The following ATF7IP variants were observed in gnomAD, a reference collection of about 807,000 sequenced individuals.
The protein encoded by ATF7IP is activating transcription factor 7 interacting protein.
In ATF7IP, 23 loss-of-function variants were observed where a neutral mutation model predicts 106.4. That is an observed-to-expected ratio of 0.22 (90% CI 0.16 to 0.31). The LOEUF (loss-of-function observed/expected upper bound fraction) is 0.31, where lower values mean the gene tolerates loss of function less well. ATF7IP is among the 10% of genes least tolerant of loss of function. ATF7IP has a pLI of 1.00. For synonymous variants in ATF7IP, 542 were observed against 539.0 expected (o/e 1.01, Z -0.08); for missense variants, 1,334 against 1,524.3 (o/e 0.88, Z 2.08).
chr12:14,424,378 A>G lies in ATF7IP; in HGVS notation c.463A>G (p.Thr155Ala). Residue 155 changes from threonine to alanine, a missense_variant, in exon 2 of 15, where the codon ACC becomes GCC. Around this residue, in one of 10 missense-constraint regions of ATF7IP, gnomAD observed 438 missense variants for 405.3 expected, o/e 1.08. Coordinates refer to ENST00000261168, the MANE Select transcript of ATF7IP (RefSeq NM_018179.5). ...CGGAGTACTGGCCTCTGGTGATTCCACCTCTGGTGATCCCACCTCTAGCGA... is the reference window on the plus strand; with the variant it reads ...CGGAGTACTGGCCTCTGGTGATTCCGCCTCTGGTGATCCCACCTCTAGCGA... ...ASGVLASGDS[T>A]SGDPTSSEPS... is the part of the protein sequence containing the mutation. 3 of 1,612,606 alleles carry G rather than the reference A, an allele frequency of 1.9e-6. No homozygotes were observed. Among genetic ancestry groups the G allele is most frequent in the Non-Finnish European group, 2.5e-6 (3 of 1,179,494 alleles).
intron 13 of ATF7IP, among the ~76,000 whole-genome samples, chr12:14,485,001 C>A (rs999994876): frequency 6.6e-6 from 1 of 152,122 alleles, no homozygotes; most frequent in Admixed American, 6.6e-5. Context: ...GAGTAGTTAC[C>A]TGCAAAAGAT....
At chr12:14,401,369 G>A (rs1241021523) in intron 1 of ATF7IP, among the ~76,000 whole-genome samples, 1 of 151,900 alleles carries the variant, frequency 6.6e-6, no homozygotes, top group Non-Finnish European at 1.5e-5. Context: ...GCTAATTTTT[G>A]TAATTTTAAT....
At chr12:14,413,716 A>G (rs1273900465) in intron 1 of ATF7IP, among the ~76,000 whole-genome samples, 1 of 152,158 alleles carries the variant, frequency 6.6e-6, no homozygotes, top group Non-Finnish European at 1.5e-5. Context: ...ACTCACATAT[A>G]TTATTCCTCG....
At chr12:14,496,972 A>G (rs1255645472) in intron 14 of ATF7IP, among the ~76,000 whole-genome samples, 1 of 152,020 alleles carries the variant, frequency 6.6e-6, no homozygotes, top group Admixed American at 6.6e-5. Context: ...ACCTTTCCAG[A>G]TTTTTCTTCA....
chr12:14,399,126 G>A (rs374510495), intron 1 of ATF7IP, among the ~76,000 whole-genome samples: 7 of 152,148 alleles, frequency 4.6e-5, no homozygotes, highest in African/African-American at 1.7e-4. Flanking sequence ...GTTTTTTGGA[G>A]CTTTGCTAAT....
intron 1 of ATF7IP, among the ~76,000 whole-genome samples, chr12:14,387,569 C>G (rs1445736153): frequency 1.3e-5 from 2 of 152,076 alleles, no homozygotes; most frequent in Admixed American, 1.3e-4. Context: ...CCGCTACCCT[C>G]TACAAGATTA....
rs1013782530 is a variant in ATF7IP, at chr12:14,401,016, A to G, written c.-7-22893A>G. ...CTTTTTTATTCTGAATACTAATCCT[A>G]TATCACTATGCCATTTTTTCAAGTA... On this transcript the variant is annotated intron_variant, in intron 1 of 14. Coordinates refer to ENST00000261168, the MANE Select transcript of ATF7IP (RefSeq NM_018179.5). 5.9e-5 allele frequency among the ~76,000 whole-genome samples: 9 copies of G among 151,964 alleles called. No homozygotes were observed. In the East Asian group the frequency reaches 1.2e-3, roughly 20 times the overall value.
rs148307861 is a variant in ATF7IP at position 14,386,972 on chromosome 12, A to T, written c.-8+21145A>T. Among the ~76,000 whole-genome samples the T allele has an allele frequency of 7.0e-3, 1,058 of 151,970 alleles. 8 individuals are homozygous for T. Among genetic ancestry groups the T allele is most frequent in the African/African-American group, 0.024 (1,002 of 41,474 alleles). The stretch of plus-strand genomic sequence containing the variant: ...CCTTGTGTTTATATTTGTTATTTAC[A>T]TTTTTTTTAAACAAAATAATTGTTT... On this transcript the variant is annotated intron_variant, in intron 1 of 14. Coordinates refer to ENST00000261168, the MANE Select transcript of ATF7IP (RefSeq NM_018179.5).
intron 13 of ATF7IP, among the ~76,000 whole-genome samples, chr12:14,489,539 T>C (rs1213472582): frequency 1.3e-5 from 2 of 152,160 alleles, no homozygotes. Flanking sequence ...ACTTCCACCC[T>C]CTGATTCGTG....
chr12:14,402,357 G>T (rs982062311), intron 1 of ATF7IP, among the ~76,000 whole-genome samples: 2 of 151,288 alleles, frequency 1.3e-5, no homozygotes, highest in African/African-American at 4.9e-5. Context: ...TGAATTCCTG[G>T]GCTCAAGCAA....
intron 14 of ATF7IP, among the ~76,000 whole-genome samples, chr12:14,496,576 G>A (rs770070208): frequency 4.6e-5 from 7 of 152,114 alleles, no homozygotes; most frequent in Non-Finnish European, 1.0e-4. Context: ...ACAAAAACAG[G>A]TCCACAGTTG....
At chr12:14,464,363 A>C (rs1943749938) in intron 9 of ATF7IP, among the ~76,000 whole-genome samples, 1 of 152,174 alleles carries the variant, frequency 6.6e-6, no homozygotes, top group African/African-American at 2.4e-5. Context: ...AAACACAGCA[A>C]TTATTTCTTC....
chr12:14,478,216 C>T lies in ATF7IP; in HGVS notation c.2942-101C>T. 4 of 1,074,754 alleles carry T rather than the reference C, an allele frequency of 3.7e-6. No homozygotes were observed. In the South Asian group the frequency reaches 5.9e-5, roughly 16 times the overall value. 66.6% of individuals were successfully genotyped at this position (1,074,754 alleles called of 1,614,324 possible). ...ATTATTCTCTTAGAGGTAAATGTGA[C>T]ACACAAGTGGCAAGCAAAAGTAAAA... On this transcript the variant is annotated intron_variant, in intron 11 of 14. Coordinates refer to ENST00000261168, the MANE Select transcript of ATF7IP (RefSeq NM_018179.5).
intron 1 of ATF7IP, among the ~76,000 whole-genome samples, chr12:14,388,433 G>A (rs907241921): frequency 6.6e-6 from 1 of 150,668 alleles, no homozygotes; most frequent in African/African-American, 2.4e-5. Context: ...TGCAACCTCC[G>A]CCTCCCAGGT....
intron 1 of ATF7IP, among the ~76,000 whole-genome samples, chr12:14,406,083 G>T (rs1280062177): frequency 6.6e-6 from 1 of 152,100 alleles, no homozygotes; most frequent in Non-Finnish European, 1.5e-5. Context: ...ATTATTAAAT[G>T]TTCTCACTTG....
intron 6 of ATF7IP, among the ~76,000 whole-genome samples, chr12:14,448,287 C>T (rs892809105): frequency 6.6e-6 from 1 of 152,098 alleles, no homozygotes. Flanking sequence ...GAAATCTTAT[C>T]GCTGTAGTAC....
At chr12:14,368,896 G>A (rs1335469733) in intron 1 of ATF7IP, among the ~76,000 whole-genome samples, 2 of 151,156 alleles carry the variant, frequency 1.3e-5, no homozygotes, top group African/African-American at 4.9e-5. Flanking sequence ...CTTTTAAGTG[G>A]TTTATGATTG....
chr12:14,418,079 A>G (rs1272366477), intron 1 of ATF7IP, among the ~76,000 whole-genome samples: 1 of 152,190 alleles, frequency 6.6e-6, no homozygotes, highest in East Asian at 1.9e-4. Flanking sequence ...TTTCATTTAA[A>G]GAAGAAGCTC....
Position 14,424,037 on chromosome 12 carries a change from T to A in ATF7IP, c.122T>A (p.Val41Asp). The A allele has an allele frequency of 6.2e-7, 1 of 1,614,162 alleles. No individual in the cohort carries two copies. Among genetic ancestry groups the A allele is most frequent in the Non-Finnish European group, 8.5e-7 (1 of 1,180,010 alleles). Reference sequence around the variant, plus strand: ...AAAGAAGAACTGTTGAAAACTGATGTCAAGCTGTTAAATGGCAACCATGAA... The same window carrying A: ...AAAGAAGAACTGTTGAAAACTGATGACAAGCTGTTAAATGGCAACCATGAA... ...KVKEELLKTD[V>D]KLLNGNHENG... Residue 41 changes from valine to aspartate, a missense_variant, in exon 2 of 15, where the codon GTC becomes GAC. By Grantham distance (152) the Val-to-Asp change is radical. Coordinates refer to ENST00000261168, the MANE Select transcript of ATF7IP (RefSeq NM_018179.5).
Sources: gnomAD v4.1 joint callset for allele counts (sites outside exome capture counted in the v4.1 genomes callset) on GRCh38, gnomAD v4.1.1 for gene constraint, gnomAD v4.1.1 regional missense constraint, MANE v1.5 for transcripts, NCBI Gene and HGNC (gene_info 2026-07-23, HGNC 2026-07-21) for gene names.